Variants in LRP1B observed in about 807,000 individuals in gnomAD.
LRP1B encodes the protein low-density lipoprotein receptor-related protein 1B.
Under a neutral mutation model 556.6 loss-of-function variants are expected in LRP1B, and 217 were observed. That is an observed-to-expected ratio of 0.39 (90% CI 0.35 to 0.44). The LOEUF (loss-of-function observed/expected upper bound fraction) is 0.44. LRP1B is among the 20% of genes least tolerant of loss of function. The probability of loss-of-function intolerance (pLI) is 1.00; values close to 1 mark genes in which losing one functional copy is unlikely to be tolerated. For synonymous variants in LRP1B, 2,047 were observed against 1,865.8 expected (o/e 1.10, Z -2.50); for missense variants, 5,053 against 5,620.8 (o/e 0.90, Z 3.23).
At chr2:141,092,270 A>G (rs2104913089) in intron 7 of LRP1B, among the ~76,000 whole-genome samples, 1 of 152,324 alleles carries the variant, frequency 6.6e-6, no homozygotes, top group South Asian at 2.1e-4. Context: ...CCCATTGGAC[A>G]CTGTATATTT....
chr2:141,712,377 C>A (rs1692394392), intron 2 of LRP1B, among the ~76,000 whole-genome samples: 1 of 145,682 alleles, frequency 6.9e-6, no homozygotes, highest in Admixed American at 6.7e-5. Context: ...GAGACCCTGT[C>A]TAAAAAAAAA....
chr2:140,282,451 G>A (rs1201330280), intron 84 of LRP1B, among the ~76,000 whole-genome samples: 1 of 151,698 alleles, frequency 6.6e-6, no homozygotes, highest in African/African-American at 2.4e-5. Flanking sequence ...TAACTCTAGA[G>A]GATAAACTCT....
chr2:141,578,054 A>G lies in LRP1B; in HGVS notation c.206-97521T>C, dbSNP rs115535567. Among the ~76,000 whole-genome samples the G allele has an allele frequency of 7.3e-3, 1,113 of 152,310 alleles. 22 individuals are homozygous for G. Among genetic ancestry groups the G allele is most frequent in the African/African-American group, 0.025 (1,020 of 41,556 alleles). ...AATTTTCCTGGTGATAATTGCATAC[A>G]TAAACGGGGGAAAAAATAGATCATC... On this transcript the variant is annotated intron_variant, in intron 2 of 90. Coordinates refer to ENST00000389484, the MANE Select transcript of LRP1B (RefSeq NM_018557.3).
chr2:141,598,653 T>C, intron 2 of LRP1B, among the ~76,000 whole-genome samples: 1 of 152,144 alleles, frequency 6.6e-6, no homozygotes, highest in East Asian at 1.9e-4. Context: ...AGCAGAAAAT[T>C]GCAGAAATAA....
intron 7 of LRP1B, among the ~76,000 whole-genome samples, chr2:141,087,531 G>A (rs1398957979): frequency 6.6e-6 from 1 of 152,178 alleles, no homozygotes; most frequent in Non-Finnish European, 1.5e-5. Context: ...CCTACTAGGA[G>A]ACAGCAATGT....
chr2:141,533,923 T>A (rs1326669061), intron 2 of LRP1B, among the ~76,000 whole-genome samples: 3 of 152,290 alleles, frequency 2.0e-5, no homozygotes, highest in East Asian at 3.9e-4. Context: ...TGTAAATATT[T>A]TTCTTCCTAA....
At chr2:140,795,814 C>T (rs1404794912) in intron 32 of LRP1B, among the ~76,000 whole-genome samples, 1 of 152,114 alleles carries the variant, frequency 6.6e-6, no homozygotes. Context: ...ATATCCACTA[C>T]ATTCCAACAT....
rs1553543025 is a variant in LRP1B at position 141,614,080 on chromosome 2, C to CAGAAAAAAAAAAAAAAAAAAAA, written c.206-133548_206-133547insTTTTTTTTTTTTTTTTTTTTCT. On this transcript the variant is annotated intron_variant, in intron 2 of 90. Transcript: ENST00000389484. ...GGGCGATAAGAGCAAAACTCAGCCT[C>CAGAAAAAAAAAAAAAAAAAAAA]AAAAAAAAAAAAAAAAAAAAAGAAA... Among the ~76,000 whole-genome samples the CAGAAAAAAAAAAAAAAAAAAAA allele has an allele frequency of 4.1e-3, 192 of 47,326 alleles. 10 individuals are homozygous for CAGAAAAAAAAAAAAAAAAAAAA. Among genetic ancestry groups the CAGAAAAAAAAAAAAAAAAAAAA allele is most frequent in the Middle Eastern group, 0.053 (2 of 38 alleles). The allele number at this position is 47,326 out of a possible 152,430, so 31.0% of individuals were successfully genotyped here.
intron 41 of LRP1B, among the ~76,000 whole-genome samples, chr2:140,605,095 T>C (rs1558999572): frequency 6.6e-6 from 1 of 152,154 alleles, no homozygotes; most frequent in Non-Finnish European, 1.5e-5. Flanking sequence ...CTCAAGGACA[T>C]GCTACAACTA....
At chr2:140,327,263 A>C (rs1203034713) in intron 79 of LRP1B, among the ~76,000 whole-genome samples, 1 of 152,128 alleles carries the variant, frequency 6.6e-6, no homozygotes, top group East Asian at 1.9e-4. Flanking sequence ...TCAGAATGGA[A>C]ATAATCCACA....
At chr2:140,915,929 G>T (rs1694562787) in intron 21 of LRP1B, among the ~76,000 whole-genome samples, 1 of 151,898 alleles carries the variant, frequency 6.6e-6, no homozygotes, top group African/African-American at 2.4e-5. Context: ...TTGGGAGGCT[G>T]AGGCAAGAGA....
At chr2:142,112,812 T>C (rs541411729) in intron 1 of LRP1B, among the ~76,000 whole-genome samples, 15 of 152,240 alleles carry the variant, frequency 9.9e-5, no homozygotes, top group African/African-American at 3.4e-4. Context: ...AATATGTATG[T>C]ACACACAAGA....
chr2:140,533,695 C>A (rs1160743145), intron 47 of LRP1B, among the ~76,000 whole-genome samples: 1 of 151,884 alleles, frequency 6.6e-6, no homozygotes, highest in Non-Finnish European at 1.5e-5. Flanking sequence ...AAACAGAGAA[C>A]TAAGGAATAA....
chr2:141,139,347 T>A (rs1023345288), intron 7 of LRP1B, among the ~76,000 whole-genome samples: 1 of 151,794 alleles, frequency 6.6e-6, no homozygotes, highest in Non-Finnish European at 1.5e-5. Context: ...ATAAAAAAAA[T>A]GATAAACTTC....
intron 35 of LRP1B, among the ~76,000 whole-genome samples, chr2:140,762,560 A>G (rs1007041568): frequency 6.6e-6 from 1 of 151,966 alleles, no homozygotes; most frequent in Non-Finnish European, 1.5e-5. Context: ...AGGCTTTTTC[A>G]ATTTCTGCCA....
chr2:140,579,433 C>A (rs2105131331), intron 43 of LRP1B, among the ~76,000 whole-genome samples: 1 of 152,220 alleles, frequency 6.6e-6, no homozygotes, highest in African/African-American at 2.4e-5. Flanking sequence ...GAAGACATGA[C>A]CACTATCTCA....
intron 43 of LRP1B, among the ~76,000 whole-genome samples, chr2:140,575,483 G>C (rs1156281089): frequency 6.6e-6 from 1 of 152,050 alleles, no homozygotes; most frequent in African/African-American, 2.4e-5. Context: ...TGGCATTTTT[G>C]TTAACCATGC....
intron 1 of LRP1B, among the ~76,000 whole-genome samples, chr2:141,959,168 AACAT>A (rs1310711092): frequency 6.6e-6 from 1 of 151,946 alleles, no homozygotes; most frequent in Non-Finnish European, 1.5e-5. Flanking sequence ...ATTTACTGAA[AACAT>A]AGCTCTTGTT....
chr2:141,979,957 C>T (rs1355987709), intron 1 of LRP1B, among the ~76,000 whole-genome samples: 5 of 152,102 alleles, frequency 3.3e-5, no homozygotes. Flanking sequence ...TGTCTGTTCT[C>T]ACTCATTAAT....
Sources: allele counts gnomAD v4.1 joint callset (sites outside exome capture counted in the v4.1 genomes callset), GRCh38; gene constraint gnomAD v4.1.1; transcripts MANE v1.5; gene names NCBI Gene and HGNC (gene_info 2026-07-23, HGNC 2026-07-21).